Variants in SLCO4C1 observed in about 807,000 individuals in gnomAD.
The protein encoded by SLCO4C1 is solute carrier organic anion transporter family member 4C1, also known as organic anion transporter M1.
SLCO4C1 carries 58 observed loss-of-function variants against 72.1 expected under a neutral mutation model. The observed-to-expected ratio is 0.80, with a 90% CI of 0.65 to 1.00. The LOEUF (loss-of-function observed/expected upper bound fraction) is 1.00, where lower values mean the gene tolerates loss of function less well. SLCO4C1 is among the 50% of genes least tolerant of loss of function. The probability of loss-of-function intolerance (pLI) is 0.00; values close to 1 mark genes in which losing one functional copy is unlikely to be tolerated. For missense variants in SLCO4C1, 898 were observed against 857.9 expected (o/e 1.05, Z -0.58); for synonymous variants, 297 against 312.5 (o/e 0.95, Z 0.52).
rs911867122 is a variant in SLCO4C1, at chr5:102,262,090, A to C, written c.900-57T>G. On this transcript the variant is annotated intron_variant, in intron 4 of 12. Transcript: ENST00000310954. ...AACTCTACCTTATTAATTAAAACTCAGTTAGGATAATCATATACTTTATAC... is the reference window on the plus strand; with the variant it reads ...AACTCTACCTTATTAATTAAAACTCCGTTAGGATAATCATATACTTTATAC... The C allele has an allele frequency of 1.1e-4, 168 of 1,484,052 alleles. No homozygotes were observed. The African/African-American group carries it at 2.0e-3, about 18-fold the overall frequency. The allele number at this position is 1,484,052 out of a possible 1,614,324, so 91.9% of individuals were successfully genotyped here.
At chr5:102,244,369 A>G (rs1465458641) in intron 10 of SLCO4C1, among the ~76,000 whole-genome samples, 2 of 151,538 alleles carry the variant, frequency 1.3e-5, no homozygotes, top group African/African-American at 4.8e-5. Flanking sequence ...AATAAAAAAC[A>G]ATGAAGCATG....
In SLCO4C1 at chr5:102,265,617, C is replaced by T. The variant is rs532405764; in HGVS notation, c.803-1837G>A. Among the ~76,000 whole-genome samples the T allele has an allele frequency of 1.2e-4, 19 of 152,086 alleles. No homozygotes were observed. The South Asian group carries it at 3.9e-3, about 32-fold the overall frequency. ...GTATCTTTAGCAAAAATCAGTTGGC[C>T]ATAAATACATAGATTTATTTCTGAG... On this transcript the variant is annotated intron_variant, in intron 3 of 12. Transcript: ENST00000310954.
chr5:102,273,790 TAC>T (rs924734734), intron 2 of SLCO4C1, among the ~76,000 whole-genome samples: 77 of 152,316 alleles, frequency 5.1e-4, no homozygotes, highest in African/African-American at 1.8e-3. Context: ...ACTTTTATAA[TAC>T]AGTTTATAAA....
At chr5:102,247,554 T>C in intron 9 of SLCO4C1, 112 bp from the exon 10 acceptor site, 1 of 598,958 alleles carries the variant, frequency 1.7e-6, no homozygotes, top group East Asian at 3.1e-5. Context: ...TAATCCATAT[T>C]CAACAAATTA....
At chr5:102,243,464 A>T (rs1748583415) in intron 10 of SLCO4C1, among the ~76,000 whole-genome samples, 1 of 152,244 alleles carries the variant, frequency 6.6e-6, no homozygotes, top group African/African-American at 2.4e-5. Flanking sequence ...AGGTGTTTGC[A>T]TCACTCCACC....
intron 3 of SLCO4C1, among the ~76,000 whole-genome samples, chr5:102,265,135 A>G (rs1471870853): frequency 6.6e-6 from 1 of 151,972 alleles, no homozygotes; most frequent in African/African-American, 2.4e-5. Flanking sequence ...ATGGCTATAT[A>G]GATTCTTTGC....
chr5:102,286,550 A>G (rs967716328), intron 2 of SLCO4C1, among the ~76,000 whole-genome samples: 1 of 152,144 alleles, frequency 6.6e-6, no homozygotes, highest in Non-Finnish European at 1.5e-5. Context: ...ATGAATGTCA[A>G]ATATGACTTA....
rs537565168 is a variant in SLCO4C1 at position 102,259,658 on chromosome 5, A to G, written c.1128+555T>C. ...TCTGCTGAGTACAACTTAATGGACC[A>G]TAACACTTTTGTTCTTTAGCCTCGA... On this transcript the variant is annotated intron_variant, in intron 6 of 12. Coordinates refer to ENST00000310954, the MANE Select transcript of SLCO4C1 (RefSeq NM_180991.5). 3.9e-5 allele frequency among the ~76,000 whole-genome samples: 6 copies of G among 152,294 alleles called. No homozygotes were observed. The South Asian group carries it at 1.2e-3, about 32-fold the overall frequency.
At chr5:102,260,365 A>C in intron 5 of SLCO4C1, 46 bp from the exon 6 acceptor site, 1 of 221,742 alleles carries the variant, frequency 4.5e-6, no homozygotes, top group Non-Finnish European at 7.0e-6. Context: ...TATTATACAT[A>C]TAATATATTA....
intron 2 of SLCO4C1, among the ~76,000 whole-genome samples, chr5:102,272,222 T>A (rs182331713): frequency 1.1e-3 from 164 of 152,304 alleles, no homozygotes; most frequent in Non-Finnish European, 2.0e-3. Context: ...TTTTACTAAC[T>A]TGACTATCTG....
chr5:102,260,261 T>C lies in SLCO4C1; in HGVS notation c.1080A>G (p.Ala360=). The C allele has an allele frequency of 5.7e-6, 8 of 1,405,222 alleles. No individual in the cohort carries two copies. The highest frequency in any genetic ancestry group is 7.5e-6 in the Non-Finnish European group (8 of 1,070,742). 87.0% of individuals were successfully genotyped at this position (1,405,222 alleles called of 1,614,324 possible). Residue 360 remains alanine, a synonymous_variant, in exon 6 of 13, where the codon GCA becomes GCG. Coordinates refer to ENST00000310954, the MANE Select transcript of SLCO4C1 (RefSeq NM_180991.5). ...TAATACTTTTTCCAAATTTCACATC[T>C]GCATTACTATTACTCTGATGAGCCT... ...TSQAHQSNSN[A]DVKFGKSIKD...
At chr5:102,270,246 T>C (rs548992469) in intron 3 of SLCO4C1, among the ~76,000 whole-genome samples, 1 of 152,202 alleles carries the variant, frequency 6.6e-6, no homozygotes, top group African/African-American at 2.4e-5. Flanking sequence ...TGTAAGTCAA[T>C]ATAGGATGTC....
At chr5:102,276,429 G>A (rs546501300) in intron 2 of SLCO4C1, among the ~76,000 whole-genome samples, 33 of 152,274 alleles carry the variant, frequency 2.2e-4, no homozygotes, top group Admixed American at 9.2e-4. Flanking sequence ...CAAGAGCAGG[G>A]CGACAATTAA....
At chr5:102,276,950 A>C (rs1000864359) in intron 2 of SLCO4C1, among the ~76,000 whole-genome samples, 53 of 152,246 alleles carry the variant, frequency 3.5e-4, no homozygotes, top group African/African-American at 1.2e-3. Context: ...TAGTAGTGAG[A>C]GGCACCAATC....
At chr5:102,284,374 T>C (rs1248911032) in intron 2 of SLCO4C1, among the ~76,000 whole-genome samples, 1 of 152,166 alleles carries the variant, frequency 6.6e-6, no homozygotes, top group Admixed American at 6.5e-5. Flanking sequence ...GTGCTGATCA[T>C]AATAAAGTTT....
At chr5:102,281,785 G>A (rs1433159750) in intron 2 of SLCO4C1, among the ~76,000 whole-genome samples, 1 of 152,038 alleles carries the variant, frequency 6.6e-6, no homozygotes. Context: ...AATAAACCGA[G>A]TCACTCATAC....
intron 7 of SLCO4C1, 55 bp downstream of exon 7, chr5:102,257,888 A>G: frequency 6.7e-7 from 1 of 1,491,798 alleles, no homozygotes; most frequent in Non-Finnish European, 9.1e-7. Context: ...TATCCTCATA[A>G]AAATTTAATA....
rs528017326 is a variant in SLCO4C1 at position 102,235,895 on chromosome 5, G to T, written c.*963C>A. The stretch of plus-strand genomic sequence containing the variant: ...GGGGACTGCTGAGTTAAAGGGTAGG[G>T]TTTAATATTCTAATTAAACAATAAT... On this transcript the variant is annotated 3_prime_UTR_variant, in exon 13 of 13. Transcript: ENST00000310954. The T allele has an allele frequency of 6.6e-6, 1 of 152,292 alleles. No homozygotes were observed. Among genetic ancestry groups the T allele is most frequent in the South Asian group, 2.1e-4 (1 of 4,832 alleles). 9.4% of individuals were successfully genotyped at this position (152,292 alleles called of 1,614,324 possible).
intron 10 of SLCO4C1, among the ~76,000 whole-genome samples, chr5:102,246,302 C>G (rs1367170872): frequency 6.6e-6 from 1 of 151,852 alleles, no homozygotes; most frequent in Admixed American, 6.6e-5. Context: ...GTAATAAAAT[C>G]AGAAATAAAA....
Sources: allele counts gnomAD v4.1 joint callset (sites outside exome capture counted in the v4.1 genomes callset), GRCh38; gene constraint gnomAD v4.1.1; transcripts MANE v1.5; gene names NCBI Gene and HGNC (gene_info 2026-07-23, HGNC 2026-07-21).